Variants in KIDINS220 observed in about 807,000 individuals in gnomAD.
KIDINS220 encodes kinase D-interacting substrate of 220 kDa.
Under a neutral mutation model 157.6 loss-of-function variants are expected in KIDINS220, and 63 were observed. The observed-to-expected ratio is 0.40, with a 90% confidence interval of 0.33 to 0.49. KIDINS220 has a LOEUF of 0.49. Among genes scored for constraint, KIDINS220 ranks in the 20% least tolerant of loss-of-function variants. KIDINS220 has a pLI of 0.66. For missense variants in KIDINS220, 1,772 were observed against 2,171.2 expected, an observed-to-expected ratio of 0.82 and a Z score of 3.65; for synonymous variants, 732 against 783.6, an observed-to-expected ratio of 0.93 and a Z score of 1.10.
chr2:8,783,941 GA>G, intron 17 of KIDINS220, among the ~76,000 whole-genome samples: 1 of 152,144 alleles, frequency 6.6e-6, no homozygotes, highest in African/African-American at 2.4e-5. Context: ...CATATGAGGA[GA>G]AAAAGACCCA....
At chr2:8,738,262 G>A (rs1408563563) in intron 26 of KIDINS220, among the ~76,000 whole-genome samples, 1 of 152,190 alleles carries the variant, frequency 6.6e-6, no homozygotes, top group Non-Finnish European at 1.5e-5. Flanking sequence ...ATGTAGAACA[G>A]GAAAGCAGAA....
In KIDINS220 at chr2:8,730,349, T is replaced by G; in HGVS notation, c.*371A>C. On this transcript the variant is annotated 3_prime_UTR_variant, in exon 30 of 30. Transcript: ENST00000256707. ...TTCCCTCAAATGTGTGGTCACCAAA[T>G]GTTTGCAAAAAGGGTCTCTAGCTTT... The G allele has an allele frequency of 9.8e-7, 1 of 1,015,838 alleles. No homozygotes were observed. The highest frequency in any genetic ancestry group is 1.2e-6 in the Non-Finnish European group (1 of 850,146). 62.9% of individuals were successfully genotyped at this position (1,015,838 alleles called of 1,614,324 possible). A position where few individuals can be genotyped will look rare whatever the true frequency, so the allele number is the denominator to read the frequency against.
Position 8,729,600 on chromosome 2 carries a change from T to G in KIDINS220, c.*1120A>C. Reference sequence around the variant, plus strand: ...CACTTATATAGATATATATATATATTTTACCCTTGCTTTGTTACATGTTTC... The same window carrying G: ...CACTTATATAGATATATATATATATGTTACCCTTGCTTTGTTACATGTTTC... On this transcript the variant is annotated 3_prime_UTR_variant, in exon 30 of 30. Coordinates refer to ENST00000256707, the MANE Select transcript of KIDINS220 (RefSeq NM_020738.4). 1 of 971,156 alleles carries G rather than the reference T, an allele frequency of 1.0e-6. No homozygotes were observed. The highest frequency in any genetic ancestry group is 1.2e-6 in the Non-Finnish European group (1 of 817,002). 60.2% of individuals were successfully genotyped at this position (971,156 alleles called of 1,614,324 possible).
chr2:8,757,474 G>A lies in KIDINS220; in HGVS notation c.3012-5830C>T, dbSNP rs1241049059. On this transcript the variant is annotated intron_variant, in intron 22 of 29. Transcript: ENST00000256707. ...TGATTGTTTCCAAAGGGATATGTGA[G>A]GCCGTCTTCATTTCAGAGGAGCAGA... The A allele has an allele frequency of 8.0e-6, 11 of 1,376,004 alleles. 1 individual carries two copies. The highest frequency in any genetic ancestry group is 4.6e-5 in the South Asian group (3 of 64,642). The allele number at this position is 1,376,004 out of a possible 1,614,324, so 85.2% of individuals were successfully genotyped here.
intron 29 of KIDINS220, among the ~76,000 whole-genome samples, chr2:8,732,657 A>G (rs2147950744): frequency 6.6e-6 from 1 of 152,362 alleles, no homozygotes; most frequent in African/African-American, 2.4e-5. Flanking sequence ...AAGAAGGGTC[A>G]AGAGCAAAGG....
At chr2:8,759,980 G>A (rs1296826235) in intron 22 of KIDINS220, among the ~76,000 whole-genome samples, 1 of 152,172 alleles carries the variant, frequency 6.6e-6, no homozygotes, top group Non-Finnish European at 1.5e-5. Flanking sequence ...CACAGACATA[G>A]CAGCAGAGCG....
intron 2 of KIDINS220, among the ~76,000 whole-genome samples, chr2:8,825,137 C>T (rs547538997): frequency 5.9e-5 from 9 of 152,040 alleles, no homozygotes; most frequent in South Asian, 2.1e-4. Flanking sequence ...TTTAGGAGGC[C>T]GAGGTGGGCG....
intron 26 of KIDINS220, chr2:8,740,235 A>T (rs1368308740): frequency 1.1e-5 from 9 of 834,960 alleles, no homozygotes; most frequent in Admixed American, 6.2e-5. Context: ...AAAGTAACAC[A>T]TCCGATGCAC....
Position 8,731,116 on chromosome 2 carries a change from T to C in KIDINS220, c.4920A>G (p.Ile1640Met). 6.2e-7 allele frequency: 1 copy of C among 1,614,202 alleles called. No homozygotes were observed. The highest frequency in any genetic ancestry group is 8.5e-7 in the Non-Finnish European group (1 of 1,180,028). The part of the protein sequence containing the change: ...HSLSGLQDPI[I>M]ARMSICSEDK... ...CTTCTGAACAAATGGACATCCGAGCTATAATTGGATCTTGCAGGCCACTCA... is the reference window on the plus strand; with the variant it reads ...CTTCTGAACAAATGGACATCCGAGCCATAATTGGATCTTGCAGGCCACTCA... Residue 1640 changes from isoleucine (I) to methionine (M), a missense_variant, in exon 30 of 30, where the codon ATA becomes ATG. Physicochemically the swap from Ile to Met is conservative, Grantham distance 10. Coordinates refer to ENST00000256707, the MANE Select transcript of KIDINS220 (RefSeq NM_020738.4). This position sits in a 1 kb window ranked among gnomAD's most constrained non-coding sequence, Gnocchi z 5.2.
intron 27 of KIDINS220, 118 bp from the exon 28 acceptor site, chr2:8,734,871 GGCTGACC>G: frequency 1.6e-6 from 1 of 639,306 alleles, no homozygotes; most frequent in Non-Finnish European, 2.5e-6. Flanking sequence ...AGACCAGAAA[GGCTGACC>G]AAAAAAAAGG....
At chr2:8,831,783 A>G (rs1292825024) in intron 1 of KIDINS220, among the ~76,000 whole-genome samples, 1 of 152,246 alleles carries the variant, frequency 6.6e-6, no homozygotes, top group Non-Finnish European at 1.5e-5. Context: ...ACACAGCCAG[A>G]CTTGGTGTTC....
chr2:8,740,444 T>C (rs1173581566), intron 26 of KIDINS220, among the ~76,000 whole-genome samples: 1 of 152,162 alleles, frequency 6.6e-6, no homozygotes, highest in Admixed American at 6.5e-5. Context: ...ATTTTTTGTA[T>C]TGAAAGAATA....
chr2:8,828,132 G>A (rs1679086197), intron 1 of KIDINS220, among the ~76,000 whole-genome samples: 2 of 152,212 alleles, frequency 1.3e-5, no homozygotes, highest in African/African-American at 4.8e-5. Context: ...TCACCTGTGT[G>A]ACACCTGTGA....
At chr2:8,744,101 C>T (rs1412839521) in intron 26 of KIDINS220, among the ~76,000 whole-genome samples, 12 of 143,852 alleles carry the variant, frequency 8.3e-5, no homozygotes, top group Admixed American at 4.2e-4. Flanking sequence ...ATTACTATAT[C>T]ATTAATATAT....
At position 8,779,848 on chromosome 2, in the gene KIDINS220, A is replaced by G. The variant is rs1286394707; in HGVS notation, c.2230-34T>C. ...CAAAGGAAGGTATAGAAAGCACTGAAGGAAGATCCAAGAAGCTTAAACATA... is the reference window on the plus strand; with the variant it reads ...CAAAGGAAGGTATAGAAAGCACTGAGGGAAGATCCAAGAAGCTTAAACATA... On this transcript the variant is annotated intron_variant, in intron 17 of 29. Coordinates refer to ENST00000256707, the MANE Select transcript of KIDINS220 (RefSeq NM_020738.4). The G allele has an allele frequency of 2.5e-6, 4 of 1,608,020 alleles. No homozygotes were observed. The African/African-American group carries it at 5.3e-5, about 21-fold the overall frequency.
intron 13 of KIDINS220, among the ~76,000 whole-genome samples, chr2:8,790,468 C>A (rs1317320129): frequency 2.0e-5 from 3 of 152,196 alleles, no homozygotes; most frequent in Non-Finnish European, 4.4e-5. Context: ...CACCATTCCA[C>A]TGTGATCCTT....
At chr2:8,820,798 T>C (rs1677840273) in intron 2 of KIDINS220, among the ~76,000 whole-genome samples, 1 of 152,240 alleles carries the variant, frequency 6.6e-6, no homozygotes, top group Admixed American at 6.5e-5. Flanking sequence ...AAGTTATGTT[T>C]AGAATTCTGA....
At chr2:8,763,476 G>A (rs1048048220) in intron 22 of KIDINS220, among the ~76,000 whole-genome samples, 1 of 152,154 alleles carries the variant, frequency 6.6e-6, no homozygotes, top group Admixed American at 6.5e-5. Flanking sequence ...TTTCAGATTA[G>A]GGATATGCAA....
chr2:8,764,733 C>G (rs1387065674), intron 22 of KIDINS220, among the ~76,000 whole-genome samples: 1 of 152,216 alleles, frequency 6.6e-6, no homozygotes, highest in Admixed American at 6.5e-5. Flanking sequence ...AGTGAGGCTT[C>G]TCATCTACCA....
Sources: gnomAD v4.1 joint callset for allele counts (sites outside exome capture counted in the v4.1 genomes callset) on GRCh38, gnomAD v4.1.1 for gene constraint, Gnocchi (gnomAD v3.1) non-coding constraint, MANE v1.5 for transcripts, NCBI Gene and HGNC (gene_info 2026-07-23, HGNC 2026-07-21) for gene names.